The following ZNF300 variants were observed in gnomAD, a reference collection of about 807,000 sequenced individuals.
ZNF300 encodes zinc finger protein 300.
A neutral mutation model predicts 13.9 loss-of-function variants in ZNF300; 6 were observed. The observed-to-expected ratio is 0.43, with a 90% CI of 0.24 to 0.85. ZNF300 has a LOEUF of 0.85. Ranked by LOEUF, ZNF300 falls within the 40% of genes least tolerant of loss-of-function variation. ZNF300 has a pLI of 0.25. For synonymous variants in ZNF300, 237 were observed against 242.2 expected, an observed-to-expected ratio of 0.98 and a Z score of 0.20; for missense variants, 662 against 714.2, an observed-to-expected ratio of 0.93 and a Z score of 0.83.
rs1754780583 is a variant in ZNF300, at chr5:150,896,357, C to T, written c.882G>A (p.Lys294=). Residue 294 remains lysine (K), a synonymous_variant, in exon 6 of 6, where the codon AAG becomes AAA. Transcript: ENST00000274599. The stretch of plus-strand genomic sequence containing the variant: ...CGCATGCACCACAATCATATGGTTT[C>T]TTTCCAGTATGAATTCTTTGATGTA... ...LIVHQRIHTG[K]KPYDCGACGK... is the part of the protein sequence containing the mutation. 6 of 1,613,486 alleles carry T rather than the reference C, an allele frequency of 3.7e-6. No homozygotes were observed. Among genetic ancestry groups the T allele is most frequent in the South Asian group, 1.1e-5 (1 of 91,048 alleles).
chr5:150,895,206 A>C lies in ZNF300; in HGVS notation c.*218T>G. On this transcript the variant is annotated 3_prime_UTR_variant, in exon 6 of 6. Transcript: ENST00000274599. ...TGCTGTGCTGATCACTGAGTTCATA[A>C]CTTTAAAAGCTTTACATGCCATATT... The C allele has an allele frequency of 2.2e-6, 1 of 456,510 alleles. No homozygotes were observed. Among genetic ancestry groups the C allele is most frequent in the Non-Finnish European group, 3.9e-6 (1 of 259,564 alleles). The allele number at this position is 456,510 out of a possible 1,614,324, so 28.3% of individuals were successfully genotyped here.
At chr5:150,898,211 G>A in intron 4 of ZNF300, 27 bp from the exon 5 acceptor site, 1 of 1,611,610 alleles carries the variant, frequency 6.2e-7, no homozygotes, top group Non-Finnish European at 8.5e-7. Context: ...ACAGAGAATT[G>A]AGATTGACTG....
intron 3 of ZNF300, among the ~76,000 whole-genome samples, chr5:150,899,551 C>A (rs1438896291): frequency 6.6e-6 from 1 of 151,732 alleles, no homozygotes; most frequent in Admixed American, 6.6e-5. Context: ...TATATACATA[C>A]AATAGTTAGT....
intron 3 of ZNF300, among the ~76,000 whole-genome samples, chr5:150,899,318 T>C (rs1315229727): frequency 6.6e-6 from 1 of 151,732 alleles, no homozygotes; most frequent in Non-Finnish European, 1.5e-5. Context: ...AAATTTAAAC[T>C]CTAAAAAGTA....
intron 4 of ZNF300, 22 bp from the exon 5 acceptor site, chr5:150,898,206 G>A (rs1407486028): frequency 5.0e-6 from 8 of 1,611,852 alleles, no homozygotes; most frequent in Non-Finnish European, 5.9e-6. Flanking sequence ...AAATCACAGA[G>A]AATTGAGATT....
intron 3 of ZNF300, among the ~76,000 whole-genome samples, chr5:150,900,912 G>A (rs992727183): frequency 6.6e-6 from 1 of 151,860 alleles, no homozygotes; most frequent in Non-Finnish European, 1.5e-5. Flanking sequence ...ATAATAAGTA[G>A]GTATAAATTT....
At chr5:150,900,673 A>C (rs1166771510) in intron 3 of ZNF300, 2 of 152,094 alleles carry the variant, frequency 1.3e-5, no homozygotes, top group Admixed American at 6.6e-5. Flanking sequence ...GGTACTTAAG[A>C]AACGTTTGTT....
chr5:150,895,777 T>C lies in ZNF300; in HGVS notation c.1462A>G (p.Thr488Ala). Residue 488 changes from threonine (T) to alanine (A), a missense_variant, in exon 6 of 6, where the codon ACT becomes GCT. Physicochemically the swap from Thr to Ala is moderately conservative, Grantham distance 58. Transcript: ENST00000274599. ...SQLIIHQRTH[T>A]GEKPYKCSEC... ...CTACATTTATAGGGTTTTTCTCCAG[T>C]ATGTGTTCTCTGATGTATGATGAGC... The C allele has an allele frequency of 1.2e-6, 2 of 1,613,650 alleles. No homozygotes were observed. Among genetic ancestry groups the C allele is most frequent in the Non-Finnish European group, 8.5e-7 (1 of 1,179,810 alleles).
chr5:150,903,114 T>A, intron 3 of ZNF300, 27 bp downstream of exon 3: 1 of 1,519,960 alleles, frequency 6.6e-7, no homozygotes, highest in Non-Finnish European at 8.9e-7. Flanking sequence ...AAAGAAGAAT[T>A]TTTTTTTTTT....
In ZNF300 at chr5:150,897,942, T is replaced by C. The variant is rs56737661; in HGVS notation, c.265+120A>G. 3,116 of 1,231,804 alleles carry C rather than the reference T, an allele frequency of 2.5e-3. 76 individuals are homozygous for C. In the African/African-American group the frequency reaches 0.043, roughly 17 times the overall value. 76.3% of individuals were successfully genotyped at this position (1,231,804 alleles called of 1,614,324 possible). On this transcript the variant is annotated intron_variant, in intron 5 of 5. Transcript: ENST00000274599. ...CTCCTCTGAAAGGCTTCACAATTAC[T>C]TGTTGAGTGACTACTAAATTCTCAG...
At chr5:150,897,271 C>G (rs1311645914) in intron 5 of ZNF300, 3 of 269,620 alleles carry the variant, frequency 1.1e-5, no homozygotes, top group African/African-American at 4.4e-5. Flanking sequence ...ATAGAAACCC[C>G]TTTTCACCTT....
chr5:150,903,472 T>G, intron 2 of ZNF300: 1 of 1,028,230 alleles, frequency 9.7e-7, no homozygotes, highest in Non-Finnish European at 1.5e-6. Flanking sequence ...AACAACTTAC[T>G]GTTCCCCTTG....
In ZNF300 at chr5:150,895,554, G is replaced by C; in HGVS notation, c.1685C>G (p.Ser562Ter). The change falls in exon 6 of 6, where the codon TCA becomes TGA. Residue 562 changes from serine to a stop codon, truncating the protein, a stop_gained. Coordinates refer to ENST00000274599, the MANE Select transcript of ZNF300 (RefSeq NM_052860.4). LOFTEE classifies it high-confidence loss of function. ...AECGKAFSQKSDLVLHQRIHT... is the reference protein window; with the variant it reads ...AECGKAFSQK ...AATCCTCTGATGTAAAACAAGGTCT[G>C]ACTTCTGAGAAAAGGCCTTTCCACA... The C allele has an allele frequency of 6.2e-7, 1 of 1,613,536 alleles. No individual in the cohort carries two copies. Among genetic ancestry groups the C allele is most frequent in the Admixed American group, 1.7e-5 (1 of 59,830 alleles).
intron 2 of ZNF300, 56 bp downstream of exon 2, chr5:150,903,808 T>C: frequency 5.9e-6 from 1 of 169,662 alleles, no homozygotes; most frequent in Admixed American, 5.7e-5. Flanking sequence ...AAAATGGTGA[T>C]AGGTTGGAAC....
At chr5:150,901,609 C>T (rs1357672464) in intron 3 of ZNF300, among the ~76,000 whole-genome samples, 2 of 152,034 alleles carry the variant, frequency 1.3e-5, no homozygotes, top group African/African-American at 2.4e-5. Context: ...AATGTAAAAG[C>T]TGATTTCAAG....
intron 5 of ZNF300, chr5:150,897,402 CAACT>C (rs1431752345): frequency 6.4e-6 from 1 of 156,992 alleles, no homozygotes; most frequent in Admixed American, 6.5e-5. Context: ...ATTTTCCTAA[CAACT>C]AACAAATAAT....
intron 5 of ZNF300, chr5:150,897,837 C>A: frequency 4.3e-6 from 2 of 461,972 alleles, no homozygotes. Flanking sequence ...CTTCTATTGC[C>A]TTTAAAACCC....
Position 150,896,468 on chromosome 5 carries a change from A to T in ZNF300, c.771T>A (p.Ile257=). 1 of 1,613,522 alleles carries T rather than the reference A, an allele frequency of 6.2e-7. No homozygotes were observed. Among genetic ancestry groups the T allele is most frequent in the Non-Finnish European group, 8.5e-7 (1 of 1,179,782 alleles). ...CTTTAGTTTCCACATTCTGATATTG[A>T]ATAAGGGATTGTGTATTTCTAAAAA... is the stretch of plus-strand genomic sequence containing the variant. ...GNVFRNTQSL[I]QYQNVETKEK... is the part of the protein sequence containing the mutation. The change falls in exon 6 of 6, where the codon ATT becomes ATA. Residue 257 remains isoleucine, a synonymous_variant. Transcript: ENST00000274599.
chr5:150,897,945 T>C, intron 5 of ZNF300, 117 bp downstream of exon 5: 1 of 1,270,082 alleles, frequency 7.9e-7, no homozygotes, highest in Non-Finnish European at 1.1e-6. Flanking sequence ...CAATTACTTG[T>C]TGAGTGACTA....
Sources: allele counts gnomAD v4.1 joint callset (sites outside exome capture counted in the v4.1 genomes callset), GRCh38; gene constraint gnomAD v4.1.1; transcripts MANE v1.5; gene names NCBI Gene and HGNC (gene_info 2026-07-23, HGNC 2026-07-21).